SLC25A21: variants seen among roughly 807,000 people sequenced by gnomAD.
The protein encoded by SLC25A21 is solute carrier family 25 member 21.
In SLC25A21, 47 loss-of-function variants were observed where a neutral mutation model predicts 43.8. That is an observed-to-expected ratio of 1.07 (90% CI 0.85 to 1.37). The LOEUF (loss-of-function observed/expected upper bound fraction) is 1.37. Ranked by LOEUF, SLC25A21 falls within the 40% of genes most tolerant of loss-of-function variation. SLC25A21 has a pLI of 0.00. For missense variants in SLC25A21, 352 were observed against 350.2 expected (o/e 1.00, Z -0.04); for synonymous variants, 131 against 121.3 (o/e 1.08, Z -0.52).
At chr14:37,076,206 G>A (rs1224366776) in intron 1 of SLC25A21, among the ~76,000 whole-genome samples, 1 of 151,960 alleles carries the variant, frequency 6.6e-6, no homozygotes, top group Non-Finnish European at 1.5e-5. Flanking sequence ...TGTTACCCAG[G>A]CTGGAGAGCA....
Position 36,752,626 on chromosome 14 carries a change from A to G in SLC25A21, c.204-18053T>C, listed in dbSNP as rs970162660. ...CCATGCTACATGGAATAAGCCAGAC[A>G]CAAAAAGACAAGTACTGTATTGACA... On this transcript the variant is annotated intron_variant, in intron 3 of 9. Transcript: ENST00000331299. Among the ~76,000 whole-genome samples, 13 of 152,236 alleles carry G rather than the reference A, an allele frequency of 8.5e-5. 1 individual carries two copies. Among genetic ancestry groups the G allele is most frequent in the South Asian group, 4.1e-4 (2 of 4,828 alleles).
intron 1 of SLC25A21, among the ~76,000 whole-genome samples, chr14:37,006,234 A>G (rs930207776): frequency 1.3e-5 from 2 of 152,178 alleles, no homozygotes; most frequent in Admixed American, 6.5e-5. Context: ...ATATGTCTAA[A>G]TATGAATACA....
intron 3 of SLC25A21, among the ~76,000 whole-genome samples, chr14:36,766,940 C>T (rs907238453): frequency 6.6e-6 from 1 of 152,126 alleles, no homozygotes; most frequent in African/African-American, 2.4e-5. Flanking sequence ...GCCTCTACTG[C>T]GGTCAATATC....
intron 1 of SLC25A21, 48 bp downstream of exon 1, chr14:37,172,233 G>A: frequency 6.5e-7 from 1 of 1,533,108 alleles, no homozygotes; most frequent in Non-Finnish European, 8.8e-7. Context: ...AGGACACGCG[G>A]TGGGGAAAGC....
intron 1 of SLC25A21, among the ~76,000 whole-genome samples, chr14:37,090,608 A>G (rs1962566746): frequency 6.6e-6 from 1 of 151,534 alleles, no homozygotes; most frequent in East Asian, 1.9e-4. Flanking sequence ...GAAGCTAGAA[A>G]AGATACAGTT....
chr14:37,123,279 C>T (rs1351177830), intron 1 of SLC25A21, among the ~76,000 whole-genome samples: 1 of 152,152 alleles, frequency 6.6e-6, no homozygotes, highest in Non-Finnish European at 1.5e-5. Context: ...CTGCTGTGGA[C>T]TAATTATTCT....
intron 3 of SLC25A21, among the ~76,000 whole-genome samples, chr14:36,793,436 G>A (rs1380437409): frequency 1.3e-5 from 2 of 150,514 alleles, no homozygotes; most frequent in African/African-American, 4.9e-5. Flanking sequence ...ATGTGGGGAG[G>A]AAGCTAACAT....
intron 1 of SLC25A21, among the ~76,000 whole-genome samples, chr14:36,955,966 C>T (rs183235696): frequency 2.0e-5 from 3 of 152,270 alleles, no homozygotes; most frequent in African/African-American, 7.2e-5. Flanking sequence ...ATTATGTCAA[C>T]CTTCAGCAAG....
intron 1 of SLC25A21, among the ~76,000 whole-genome samples, chr14:37,115,572 C>G (rs920902363): frequency 6.6e-6 from 1 of 152,194 alleles, no homozygotes; most frequent in Admixed American, 6.5e-5. Flanking sequence ...AAAACACTAA[C>G]AATTCAATAT....
At chr14:37,110,308 A>G (rs1962995336) in intron 1 of SLC25A21, among the ~76,000 whole-genome samples, 1 of 152,196 alleles carries the variant, frequency 6.6e-6, no homozygotes, top group African/African-American at 2.4e-5. Flanking sequence ...TAAATGTAAA[A>G]TAAGCCACTA....
chr14:37,036,976 T>A (rs1240234947), intron 1 of SLC25A21, among the ~76,000 whole-genome samples: 1 of 152,130 alleles, frequency 6.6e-6, no homozygotes, highest in African/African-American at 2.4e-5. Context: ...GGGTTACAGG[T>A]GGCCTGGAAA....
chr14:36,844,919 G>C (rs1385107669), intron 2 of SLC25A21, among the ~76,000 whole-genome samples: 2 of 152,182 alleles, frequency 1.3e-5, no homozygotes, highest in Admixed American at 6.5e-5. Context: ...CAAGCTGCGT[G>C]GGAAGCCAGA....
At chr14:36,840,849 G>A (rs1041822091) in intron 2 of SLC25A21, among the ~76,000 whole-genome samples, 4 of 152,146 alleles carry the variant, frequency 2.6e-5, no homozygotes, top group East Asian at 1.9e-4. Flanking sequence ...GGGACATCAC[G>A]GAAAAGAGCG....
At chr14:37,006,608 G>C (rs947428562) in intron 1 of SLC25A21, among the ~76,000 whole-genome samples, 3 of 151,868 alleles carry the variant, frequency 2.0e-5, no homozygotes, top group African/African-American at 4.8e-5. Context: ...CATACTGCCC[G>C]ATCTATCAAC....
intron 1 of SLC25A21, among the ~76,000 whole-genome samples, chr14:37,098,955 A>T (rs1187464962): frequency 6.6e-6 from 1 of 151,998 alleles, no homozygotes; most frequent in Non-Finnish European, 1.5e-5. Flanking sequence ...GGCATGCACA[A>T]CTGCACCTGG....
In SLC25A21 at chr14:36,678,471, C is replaced by T. The variant is rs1009752482; in HGVS notation, c.*2187G>A. On this transcript the variant is annotated 3_prime_UTR_variant, in exon 10 of 10. Transcript: ENST00000331299. Reference sequence around the variant, plus strand: ...GATCTTGTAAAACTTCCATTGACATCTGGAGTTCCCAGTCTGGTGAGAAAA... The same window carrying T: ...GATCTTGTAAAACTTCCATTGACATTTGGAGTTCCCAGTCTGGTGAGAAAA... 8 of 1,535,142 alleles carry T rather than the reference C, an allele frequency of 5.2e-6. No individual in the cohort carries two copies. The highest frequency in any genetic ancestry group is 7.0e-6 in the Non-Finnish European group (8 of 1,145,030).
At chr14:37,172,246 C>T in intron 1 of SLC25A21, 35 bp downstream of exon 1, 1 of 1,560,022 alleles carries the variant, frequency 6.4e-7, no homozygotes, top group South Asian at 1.2e-5. Flanking sequence ...GGGAAAGCGA[C>T]TAGCCTCCGG....
At chr14:36,922,295 G>A (rs1027682972) in intron 1 of SLC25A21, among the ~76,000 whole-genome samples, 7 of 152,040 alleles carry the variant, frequency 4.6e-5, no homozygotes, top group African/African-American at 1.7e-4. Context: ...TGGATAAGCG[G>A]CAGTTCAGAG....
intron 1 of SLC25A21, among the ~76,000 whole-genome samples, chr14:36,884,513 A>G (rs1890857808): frequency 6.6e-6 from 1 of 152,180 alleles, no homozygotes; most frequent in Non-Finnish European, 1.5e-5. Context: ...GCTGGATCAT[A>G]TATGGTAATT....
Sources: gnomAD v4.1 joint callset for allele counts (sites outside exome capture counted in the v4.1 genomes callset) on GRCh38, gnomAD v4.1.1 for gene constraint, MANE v1.5 for transcripts, NCBI Gene and HGNC (gene_info 2026-07-23, HGNC 2026-07-21) for gene names.